Variants in RNF130 observed in about 807,000 individuals in gnomAD.
RNF130 encodes the protein ring finger protein 130.
A neutral mutation model predicts 44.6 loss-of-function variants in RNF130; 21 were observed. The ratio of observed to expected loss-of-function variants is 0.47; its 90% CI spans 0.33 to 0.68. The LOEUF (loss-of-function observed/expected upper bound fraction) is 0.68. Ranked by LOEUF, RNF130 falls within the 30% of genes least tolerant of loss-of-function variation. The pLI, the probability that RNF130 is intolerant of heterozygous loss-of-function variation, is 0.02. For synonymous variants in RNF130, 214 were observed against 210.4 expected, an observed-to-expected ratio of 1.02 and a Z score of -0.15; for missense variants, 479 against 560.6, an observed-to-expected ratio of 0.85 and a Z score of 1.47.
rs573159000 is a variant in RNF130 at position 179,976,788 on chromosome 5, C to T, written c.848+1415G>A. On this transcript the variant is annotated intron_variant, in intron 5 of 8. Coordinates refer to ENST00000521389, the MANE Select transcript of RNF130 (RefSeq NM_018434.6). ...GTAGCCTCATGGAGATAACAACTCA[C>T]AATTATTTTATTAATTCACATGCTC... is the stretch of plus-strand genomic sequence containing the variant. The T allele has an allele frequency of 7.9e-5, 12 of 151,598 alleles. No homozygotes were observed. In the East Asian group the frequency reaches 1.6e-3, roughly 20 times the overall value. 9.4% of individuals were successfully genotyped at this position (151,598 alleles called of 1,614,324 possible).
intron 1 of RNF130, among the ~76,000 whole-genome samples, chr5:180,051,742 G>A (rs532366946): frequency 6.6e-5 from 10 of 152,170 alleles, no homozygotes; most frequent in African/African-American, 2.2e-4. Flanking sequence ...TCCTTAGAAC[G>A]CAAATATATC....
At chr5:179,948,692 G>C (rs898759703) in intron 7 of RNF130, among the ~76,000 whole-genome samples, 1 of 151,882 alleles carries the variant, frequency 6.6e-6, no homozygotes, top group Non-Finnish European at 1.5e-5. Flanking sequence ...GAGAGAGAGA[G>C]AAAAAAAGAG....
At chr5:179,973,432 C>T (rs915726028) in intron 5 of RNF130, among the ~76,000 whole-genome samples, 1 of 152,200 alleles carries the variant, frequency 6.6e-6, no homozygotes, top group African/African-American at 2.4e-5. Flanking sequence ...CAAAGTTCTG[C>T]TACAACAGTC....
chr5:179,923,751 T>C (rs1761665768), intron 7 of RNF130, among the ~76,000 whole-genome samples: 1 of 152,250 alleles, frequency 6.6e-6, no homozygotes, highest in South Asian at 2.1e-4. Flanking sequence ...ATTTCGGTCC[T>C]GGGGGCTGCC....
chr5:179,985,949 G>A lies in RNF130; in HGVS notation c.694-5749C>T, dbSNP rs573206762. On this transcript the variant is annotated intron_variant, in intron 3 of 8. Coordinates refer to ENST00000521389, the MANE Select transcript of RNF130 (RefSeq NM_018434.6). ...CTGACTTGACTGCTACTTCTTGATC[G>A]TCAAAAGCTACTTCTCCTGTTATCT... 7.2e-5 allele frequency among the ~76,000 whole-genome samples: 11 copies of A among 152,248 alleles called. No individual in the cohort carries two copies. The South Asian group carries it at 1.5e-3, about 20-fold the overall frequency.
intron 3 of RNF130, among the ~76,000 whole-genome samples, chr5:180,000,169 T>C (rs991663262): frequency 6.6e-6 from 1 of 152,252 alleles, no homozygotes; most frequent in Non-Finnish European, 1.5e-5. Flanking sequence ...ATGGCTTTGA[T>C]GGACACAGTA....
chr5:179,922,169 T>C (rs960222785), intron 7 of RNF130, among the ~76,000 whole-genome samples: 1 of 151,882 alleles, frequency 6.6e-6, no homozygotes, highest in Non-Finnish European at 1.5e-5. Flanking sequence ...AGCTTCTCAT[T>C]GTGGTTTTAA....
At chr5:180,070,019 C>A (rs1177864758) in intron 1 of RNF130, among the ~76,000 whole-genome samples, 1 of 152,198 alleles carries the variant, frequency 6.6e-6, no homozygotes, top group African/African-American at 2.4e-5. Flanking sequence ...CAAAGACAAA[C>A]CACAGATTTC....
intron 1 of RNF130, among the ~76,000 whole-genome samples, chr5:180,044,147 G>A (rs1764499534): frequency 6.6e-6 from 1 of 152,072 alleles, no homozygotes; most frequent in African/African-American, 2.4e-5. Flanking sequence ...ATAATTATGA[G>A]CCTTTAAAAT....
intron 3 of RNF130, among the ~76,000 whole-genome samples, chr5:179,994,063 C>T (rs1763151366): frequency 1.3e-5 from 2 of 152,174 alleles, no homozygotes; most frequent in South Asian, 2.1e-4. Context: ...TCTGAGGGCT[C>T]TGTTCTGTTC....
chr5:179,965,435 T>C (rs553578775), intron 7 of RNF130, among the ~76,000 whole-genome samples: 1 of 152,322 alleles, frequency 6.6e-6, no homozygotes, highest in South Asian at 2.1e-4. Context: ...ATTAATTTGG[T>C]ATATGAAGTA....
intron 2 of RNF130, among the ~76,000 whole-genome samples, chr5:180,022,415 C>T (rs1763894690): frequency 6.6e-6 from 1 of 152,192 alleles, no homozygotes; most frequent in Admixed American, 6.5e-5. Context: ...CTTCATAAGA[C>T]CCTGTGTACA....
intron 3 of RNF130, among the ~76,000 whole-genome samples, chr5:179,990,336 G>A (rs781780017): frequency 3.3e-5 from 5 of 152,202 alleles, no homozygotes; most frequent in African/African-American, 9.7e-5. Context: ...GACAGCTTAC[G>A]TCATCATTTC....
At chr5:179,999,443 C>T (rs1044146559) in intron 3 of RNF130, among the ~76,000 whole-genome samples, 2 of 152,008 alleles carry the variant, frequency 1.3e-5, no homozygotes, top group Non-Finnish European at 2.9e-5. Context: ...GTGAGTTGGC[C>T]GGCCATGGTG....
chr5:179,932,548 C>A (rs966114014), intron 7 of RNF130, among the ~76,000 whole-genome samples: 3 of 152,020 alleles, frequency 2.0e-5, no homozygotes, highest in Non-Finnish European at 4.4e-5. Context: ...GTGTGAGCCA[C>A]CACGCCCGGC....
intron 3 of RNF130, among the ~76,000 whole-genome samples, chr5:179,999,296 C>G (rs1171578622): frequency 6.6e-6 from 1 of 150,506 alleles, no homozygotes; most frequent in Non-Finnish European, 1.5e-5. Flanking sequence ...GCTGGGATTA[C>G]AAGCGTGAGC....
At chr5:179,969,420 G>A (rs765204751) in intron 6 of RNF130, among the ~76,000 whole-genome samples, 4 of 151,926 alleles carry the variant, frequency 2.6e-5, no homozygotes, top group Non-Finnish European at 4.4e-5. Flanking sequence ...CAATGACATC[G>A]TTTTATATTA....
At chr5:180,061,589 G>C (rs192038556) in intron 1 of RNF130, among the ~76,000 whole-genome samples, 1 of 152,238 alleles carries the variant, frequency 6.6e-6, no homozygotes, top group Admixed American at 6.5e-5. Context: ...CTTTGCACCC[G>C]CCGGTTTGTG....
chr5:179,966,308 C>A (rs185357630), intron 7 of RNF130, among the ~76,000 whole-genome samples: 2 of 152,052 alleles, frequency 1.3e-5, no homozygotes, highest in Non-Finnish European at 2.9e-5. Context: ...TGCCAAGAGA[C>A]CAAACTTCCA....
Sources: gnomAD v4.1 joint callset for allele counts (sites outside exome capture counted in the v4.1 genomes callset) on GRCh38, gnomAD v4.1.1 for gene constraint, MANE v1.5 for transcripts, NCBI Gene and HGNC (gene_info 2026-07-23, HGNC 2026-07-21) for gene names.